Variants in CCDC148 observed in about 807,000 individuals in gnomAD.
The protein encoded by CCDC148 is coiled-coil domain containing 148.
In CCDC148, 89 loss-of-function variants were observed where a neutral mutation model predicts 85.7. That is an observed-to-expected ratio of 1.04 (90% CI 0.87 to 1.24). The LOEUF (loss-of-function observed/expected upper bound fraction) is 1.24. CCDC148 is among the 50% of genes most tolerant of loss of function. The probability of loss-of-function intolerance (pLI) is 0.00; values close to 1 mark genes in which losing one functional copy is unlikely to be tolerated. For synonymous variants in CCDC148, 230 were observed against 213.9 expected, an observed-to-expected ratio of 1.08 and a Z score of -0.66; for missense variants, 692 against 671.7, an observed-to-expected ratio of 1.03 and a Z score of -0.33.
intron 10 of CCDC148, among the ~76,000 whole-genome samples, chr2:158,225,153 T>A (rs1687433982): frequency 6.6e-6 from 1 of 152,112 alleles, no homozygotes; most frequent in Non-Finnish European, 1.5e-5. Flanking sequence ...GGGGTTGCAA[T>A]CCTAGTCTCT....
At chr2:158,281,175 G>A (rs1690272110) in intron 9 of CCDC148, among the ~76,000 whole-genome samples, 1 of 151,874 alleles carries the variant, frequency 6.6e-6, no homozygotes, top group African/African-American at 2.4e-5. Flanking sequence ...AGAGAAAGCA[G>A]GAAAGATCCA....
chr2:158,453,653 C>T (rs765253847), intron 1 of CCDC148, among the ~76,000 whole-genome samples: 8 of 152,156 alleles, frequency 5.3e-5, no homozygotes, highest in Admixed American at 6.5e-5. Flanking sequence ...CCTCCTATTC[C>T]TTGCTGCCTC....
intron 10 of CCDC148, among the ~76,000 whole-genome samples, chr2:158,248,172 A>T (rs6437153): frequency 0.04 from 6,155 of 152,228 alleles, 284 homozygotes; most frequent in East Asian, 0.1. Flanking sequence ...ATATGTCAAA[A>T]TATCTTAAAA....
chr2:158,194,837 C>T (rs1191426539), intron 11 of CCDC148, among the ~76,000 whole-genome samples: 1 of 150,858 alleles, frequency 6.6e-6, no homozygotes, highest in Non-Finnish European at 1.5e-5. Flanking sequence ...GTCCCATGTG[C>T]TTGAACTCCT....
chr2:158,277,035 G>A (rs909263465), intron 9 of CCDC148, among the ~76,000 whole-genome samples: 2 of 152,210 alleles, frequency 1.3e-5, no homozygotes, highest in African/African-American at 2.4e-5. Context: ...TAGAGCTGGA[G>A]ATAATGTAGC....
At chr2:158,348,056 G>C (rs1174656584) in intron 2 of CCDC148, among the ~76,000 whole-genome samples, 1 of 151,988 alleles carries the variant, frequency 6.6e-6, no homozygotes, top group South Asian at 2.1e-4. Context: ...CCATAGAAGG[G>C]AATTTGGAGA....
intron 9 of CCDC148, among the ~76,000 whole-genome samples, chr2:158,294,663 A>G (rs1380189233): frequency 1.3e-5 from 2 of 152,020 alleles, no homozygotes; most frequent in African/African-American, 2.4e-5. Context: ...GTCTCTACTG[A>G]AAACACACAA....
intron 1 of CCDC148, among the ~76,000 whole-genome samples, chr2:158,377,264 G>A (rs1396614132): frequency 6.6e-6 from 1 of 151,692 alleles, no homozygotes; most frequent in Admixed American, 6.6e-5. Context: ...TGGAGGGGTA[G>A]GGTGTGTCGA....
intron 1 of CCDC148, among the ~76,000 whole-genome samples, chr2:158,383,410 T>A: frequency 6.6e-6 from 1 of 152,180 alleles, no homozygotes; most frequent in Middle Eastern, 3.4e-3. Context: ...ATAATTATAA[T>A]TTTATTTTAA....
chr2:158,371,255 A>G (rs1366761846), intron 1 of CCDC148, among the ~76,000 whole-genome samples: 1 of 152,064 alleles, frequency 6.6e-6, no homozygotes, highest in Non-Finnish European at 1.5e-5. Context: ...TAAAAGGCAG[A>G]CTATATTAAA....
chr2:158,191,365 A>C (rs1293414436), intron 11 of CCDC148, among the ~76,000 whole-genome samples: 1 of 152,026 alleles, frequency 6.6e-6, no homozygotes, highest in African/African-American at 2.4e-5. Context: ...CACAGCAAAG[A>C]AGTAAACCTT....
chr2:158,203,322 A>C (rs945585219), intron 11 of CCDC148, among the ~76,000 whole-genome samples: 34 of 152,326 alleles, frequency 2.2e-4, no homozygotes, highest in African/African-American at 8.2e-4. Flanking sequence ...ATACTGATAC[A>C]AATAACTTCC....
intron 7 of CCDC148, among the ~76,000 whole-genome samples, chr2:158,334,335 A>G (rs531368972): frequency 5.3e-4 from 80 of 152,186 alleles, no homozygotes; most frequent in African/African-American, 1.9e-3. Context: ...CTGCGGTCTC[A>G]CTTATTTGAT....
At chr2:158,223,779 C>G (rs1171965349) in intron 10 of CCDC148, among the ~76,000 whole-genome samples, 3 of 152,176 alleles carry the variant, frequency 2.0e-5, no homozygotes, top group Admixed American at 6.5e-5. Flanking sequence ...AGAAGGAAAA[C>G]TAACAAACAG....
intron 1 of CCDC148, among the ~76,000 whole-genome samples, chr2:158,416,472 T>C (rs1028098002): frequency 6.6e-6 from 1 of 152,192 alleles, no homozygotes; most frequent in Non-Finnish European, 1.5e-5. Flanking sequence ...AGAAATTTCT[T>C]CTGCCAGACA....
intron 1 of CCDC148, among the ~76,000 whole-genome samples, chr2:158,423,607 A>G (rs146711376): frequency 0.033 from 4,975 of 152,310 alleles, 123 homozygotes; most frequent in African/African-American, 0.063. Flanking sequence ...TAAAACCATA[A>G]AAACCTTAGA....
chr2:158,286,054 A>G (rs1690609602), intron 9 of CCDC148, among the ~76,000 whole-genome samples: 1 of 152,192 alleles, frequency 6.6e-6, no homozygotes, highest in Non-Finnish European at 1.5e-5. Context: ...CATAATGTAC[A>G]CAAAAATTAT....
chr2:158,239,153 A>G (rs1039828957), intron 10 of CCDC148, among the ~76,000 whole-genome samples: 2 of 152,176 alleles, frequency 1.3e-5, no homozygotes, highest in African/African-American at 2.4e-5. Flanking sequence ...ATCCCTATGA[A>G]TAATCAAGAC....
At chr2:158,257,132 C>T (rs1689044889) in intron 9 of CCDC148, among the ~76,000 whole-genome samples, 3 of 151,586 alleles carry the variant, frequency 2.0e-5, no homozygotes, top group Admixed American at 6.6e-5. Flanking sequence ...ACTCCCCCAC[C>T]GTGAGACTCC....
Sources: allele counts gnomAD v4.1 joint callset (sites outside exome capture counted in the v4.1 genomes callset), GRCh38; gene constraint gnomAD v4.1.1; transcripts MANE v1.5; gene names NCBI Gene and HGNC (gene_info 2026-07-23, HGNC 2026-07-21).